The following MYOM1 variants were observed in gnomAD, a reference collection of about 807,000 sequenced individuals.
MYOM1 encodes myomesin-1.
MYOM1 carries 164 observed loss-of-function variants against 205.3 expected under a neutral mutation model. That is an observed-to-expected ratio of 0.80 (90% CI 0.70 to 0.91). The LOEUF is 0.91. Among genes scored for constraint, MYOM1 ranks in the 40% least tolerant of loss-of-function variants. The pLI is 0.00. For missense variants in MYOM1, 2,011 were observed against 2,127.3 expected, an observed-to-expected ratio of 0.95 and a Z score of 1.08; for synonymous variants, 772 against 789.4, an observed-to-expected ratio of 0.98 and a Z score of 0.37.
chr18:3,129,518 C>T lies in MYOM1; in HGVS notation c.2508G>A (p.Gly836=). 1 of 1,605,366 alleles carries T rather than the reference C, an allele frequency of 6.2e-7. No individual in the cohort carries two copies. The highest frequency in any genetic ancestry group is 8.5e-7 in the Non-Finnish European group (1 of 1,174,698). The change falls in exon 18 of 38, where the codon GGG becomes GGA. Residue 836 remains glycine (G), a splice_region_variant and synonymous_variant. Transcript: ENST00000356443. ...SEAIEVKAAI[G]GGVSPDVCPA... ...GACACACATCTGGAGACACTCCTCC[C>T]CCTACAGTTGCCAGACAACAACAGA...
chr18:3,197,809 C>G (rs916480861), intron 2 of MYOM1, among the ~76,000 whole-genome samples: 1 of 151,962 alleles, frequency 6.6e-6, no homozygotes, highest in South Asian at 2.1e-4. Flanking sequence ...GGAGGCAGAG[C>G]TTGCAGTGAG....
chr18:3,218,561 T>C (rs2081297012), intron 1 of MYOM1, among the ~76,000 whole-genome samples: 1 of 152,158 alleles, frequency 6.6e-6, no homozygotes, highest in African/African-American at 2.4e-5. Context: ...TTACAAAATA[T>C]GGAGGATAAT....
At chr18:3,132,583 TTAA>T (rs1469523648) in intron 16 of MYOM1, among the ~76,000 whole-genome samples, 1 of 152,162 alleles carries the variant, frequency 6.6e-6, no homozygotes, top group East Asian at 1.9e-4. Context: ...TAATACCCAA[TTAA>T]TAATATGATC....
rs1254886398 is a variant in MYOM1 at position 3,188,742 on chromosome 18, TC to T, written c.771+5del. The stretch of plus-strand genomic sequence containing the variant: ...TTGTAAGTTACTTTAAACTGTCTTT[TC>T]TTACTGTTTTCCTCAGGGACAGGCG... On this transcript the variant is annotated splice_donor_5th_base_variant and intron_variant, in intron 4 of 37. Transcript: ENST00000356443. 1 of 1,557,868 alleles carries T rather than the reference TC, an allele frequency of 6.4e-7. No homozygotes were observed. Among genetic ancestry groups the T allele is most frequent in the Non-Finnish European group, 8.7e-7 (1 of 1,151,230 alleles).
At chr18:3,171,823 G>A (rs1456611039) in intron 8 of MYOM1, among the ~76,000 whole-genome samples, 1 of 152,150 alleles carries the variant, frequency 6.6e-6, no homozygotes, top group Admixed American at 6.5e-5. Flanking sequence ...GGCTGCTTTT[G>A]TGTTACAGAG....
chr18:3,074,801 TTTG>T (rs1056270743), intron 36 of MYOM1, among the ~76,000 whole-genome samples: 4 of 152,140 alleles, frequency 2.6e-5, no homozygotes, highest in Admixed American at 1.3e-4. Context: ...TCTATTTTCT[TTTG>T]TTGTTGTTGT....
In MYOM1 at chr18:3,154,616, TACACACACACAC is replaced by T. The variant is rs10625884; in HGVS notation, c.1643+319_1643+330del. On this transcript the variant is annotated intron_variant, in intron 11 of 37. Coordinates refer to ENST00000356443, the MANE Select transcript of MYOM1 (RefSeq NM_003803.4). Reference sequence around the variant, plus strand: ...TCAGCGTTTCTAAGTACCTACTCAATACACACACACACACACACACACACACACACACACATT... The same window carrying T: ...TCAGCGTTTCTAAGTACCTACTCAATACACACACACACACACACACACATT... Among the ~76,000 whole-genome samples, 29 of 145,952 alleles carry T rather than the reference TACACACACACAC, an allele frequency of 2.0e-4. No individual in the cohort carries two copies. The East Asian group carries it at 6.0e-3, about 30-fold the overall frequency.
At chr18:3,121,192 A>G (rs2079685912) in intron 19 of MYOM1, among the ~76,000 whole-genome samples, 1 of 152,202 alleles carries the variant, frequency 6.6e-6, no homozygotes. Context: ...GCAGAGAGAG[A>G]GAAAATGAGG....
intron 3 of MYOM1, among the ~76,000 whole-genome samples, chr18:3,191,310 A>C (rs76582682): frequency 0.013 from 2,015 of 152,306 alleles, 42 homozygotes; most frequent in African/African-American, 0.046. Context: ...CCAGAAGCAC[A>C]CTGTGAGTGC....
chr18:3,084,083 T>C, intron 31 of MYOM1, 56 bp from the exon 32 acceptor site: 1 of 1,531,906 alleles, frequency 6.5e-7, no homozygotes. Flanking sequence ...AATGTAAGGT[T>C]AAATCTCAAA....
At chr18:3,192,231 T>G (rs1481204007) in intron 3 of MYOM1, among the ~76,000 whole-genome samples, 1 of 152,118 alleles carries the variant, frequency 6.6e-6, no homozygotes. Flanking sequence ...ATTTTACCGC[T>G]CTAGCCTACC....
rs950362557 is a variant in MYOM1 at position 3,209,904 on chromosome 18, C to T, written c.290+5030G>A. Reference sequence around the variant, plus strand: ...TCTACTTAATATAATAGATTCAATACAATGTGCTTGGTAATTTATCCCAAG... The same window carrying T: ...TCTACTTAATATAATAGATTCAATATAATGTGCTTGGTAATTTATCCCAAG... On this transcript the variant is annotated intron_variant, in intron 2 of 37. Transcript: ENST00000356443. The surrounding 1 kb of genome is among the most constrained non-coding windows in gnomAD (Gnocchi z 4.0). 1.3e-5 allele frequency among the ~76,000 whole-genome samples: 2 copies of T among 152,208 alleles called. No individual in the cohort carries two copies. The highest frequency in any genetic ancestry group is 2.4e-5 in the African/African-American group (1 of 41,446).
chr18:3,088,578 A>T (rs2143702423), intron 29 of MYOM1, among the ~76,000 whole-genome samples: 1 of 152,102 alleles, frequency 6.6e-6, no homozygotes, highest in Non-Finnish European at 1.5e-5. Flanking sequence ...CTCCAACCTC[A>T]CCCACCGGTT....
intron 33 of MYOM1, among the ~76,000 whole-genome samples, chr18:3,080,401 C>T (rs995611641): frequency 3.9e-5 from 6 of 152,196 alleles, no homozygotes; most frequent in South Asian, 4.2e-4. Context: ...TGGCTGGTCA[C>T]GGTGGCTCAC....
At chr18:3,182,913 CTTTTTTTTTTTT>C (rs549386891) in intron 5 of MYOM1, among the ~76,000 whole-genome samples, 12 of 92,266 alleles carry the variant, frequency 1.3e-4, no homozygotes, top group South Asian at 7.5e-4. Flanking sequence ...TTTCTTTCTT[CTTTTTTTTTTTT>C]TTTTTTTTTT....
chr18:3,087,771 T>C (rs2079170956), intron 29 of MYOM1, among the ~76,000 whole-genome samples: 1 of 152,180 alleles, frequency 6.6e-6, no homozygotes. Context: ...ATTACAGGCA[T>C]GAGCCACCGC....
intron 27 of MYOM1, 99 bp from the exon 28 acceptor site, chr18:3,089,695 C>G: frequency 1.2e-6 from 1 of 861,238 alleles, no homozygotes. Context: ...TATTGTAACA[C>G]TCATACATTG....
chr18:3,098,246 T>G (rs1469382314), intron 25 of MYOM1, among the ~76,000 whole-genome samples: 1 of 152,186 alleles, frequency 6.6e-6, no homozygotes, highest in African/African-American at 2.4e-5. Flanking sequence ...CCATATTTAT[T>G]ATCTCTTACA....
intron 5 of MYOM1, among the ~76,000 whole-genome samples, chr18:3,186,875 AGAGAG>A (rs1296079141): frequency 2.0e-5 from 3 of 150,668 alleles, no homozygotes; most frequent in African/African-American, 7.4e-5. Context: ...AGGAAGGGAG[AGAGAG>A]AAAGAAAGAA....
Sources: gnomAD v4.1 joint callset for allele counts (sites outside exome capture counted in the v4.1 genomes callset) on GRCh38, gnomAD v4.1.1 for gene constraint, Gnocchi (gnomAD v3.1) non-coding constraint, MANE v1.5 for transcripts, NCBI Gene and HGNC (gene_info 2026-07-23, HGNC 2026-07-21) for gene names.